ZCCHC2: variants seen among roughly 807,000 people sequenced by gnomAD.
ZCCHC2 encodes zinc finger CCHC-type containing 2, also known as zinc finger CCHC domain-containing protein 2.
Under a neutral mutation model 103.6 loss-of-function variants are expected in ZCCHC2, and 39 were observed. The ratio of observed to expected loss-of-function variants is 0.38; its 90% CI spans 0.29 to 0.49. ZCCHC2 has a LOEUF of 0.49. ZCCHC2 is among the 20% of genes least tolerant of loss of function. The probability of loss-of-function intolerance (pLI) is 0.96; values close to 1 mark genes in which losing one functional copy is unlikely to be tolerated. For missense variants in ZCCHC2, 1,483 were observed against 1,491.0 expected, an observed-to-expected ratio of 0.99 and a Z score of 0.09; for synonymous variants, 687 against 608.9, an observed-to-expected ratio of 1.13 and a Z score of -1.89.
downstream of ZCCHC2, among the ~76,000 whole-genome samples, chr18:62,580,084 G>A (rs1388149727): frequency 5.3e-5 from 8 of 152,128 alleles, no homozygotes; most frequent in Admixed American, 1.3e-4. Flanking sequence ...TAAATATACC[G>A]TTTCTTTTTG....
In ZCCHC2 at chr18:62,524,253, C is replaced by A; in HGVS notation, c.829C>A (p.Arg277=). ...SLHPAFSFHQ[R]VTLREHLERL... Reference sequence around the variant, plus strand: ...GCACCCGGCTTTCTCCTTCCACCAGCGGGTCACCCTGAGGGAACACTTGGA... The same window carrying A: ...GCACCCGGCTTTCTCCTTCCACCAGAGGGTCACCCTGAGGGAACACTTGGA... Residue 277 remains arginine (R), a synonymous_variant, in exon 1 of 14, where the codon CGG becomes AGG. Coordinates refer to ENST00000269499, the MANE Select transcript of ZCCHC2 (RefSeq NM_017742.6). 1 of 1,550,148 alleles carries A rather than the reference C, an allele frequency of 6.5e-7. No individual in the cohort carries two copies. Among genetic ancestry groups the A allele is most frequent in the Non-Finnish European group, 8.7e-7 (1 of 1,146,706 alleles).
rs1170821058 is a variant in ZCCHC2, at chr18:62,574,301, C to T, written c.2220C>T (p.Pro740=). ...AGTCTGAAGTTGTCGTTCCTGCACC[C>T]AAACCCGCTGATGGCAAAACCATAG... ...AQKSEVVVPA[P]KPADGKTIGM... The change falls in exon 13 of 14, where the codon CCC becomes CCT. Residue 740 remains proline (P), a synonymous_variant. Coordinates refer to ENST00000269499, the MANE Select transcript of ZCCHC2 (RefSeq NM_017742.6). 6.2e-7 allele frequency: 1 copy of T among 1,614,052 alleles called. No individual in the cohort carries two copies. Among genetic ancestry groups the T allele is most frequent in the Non-Finnish European group, 8.5e-7 (1 of 1,179,912 alleles).
chr18:62,558,619 A>T, intron 6 of ZCCHC2, 68 bp from the exon 7 acceptor site: 4 of 977,646 alleles, frequency 4.1e-6, no homozygotes, highest in Non-Finnish European at 4.4e-6. Flanking sequence ...GTAAAAAAAC[A>T]ATTATTATAT....
intron 3 of ZCCHC2, among the ~76,000 whole-genome samples, chr18:62,543,944 C>G (rs1021728927): frequency 1.3e-5 from 2 of 152,240 alleles, no homozygotes; most frequent in Admixed American, 6.5e-5. Flanking sequence ...ATGTAATGTG[C>G]CAGTAAAGTA....
Position 62,574,883 on chromosome 18 carries a change from T to C in ZCCHC2, c.2802T>C (p.Ser934=), listed in dbSNP as rs747968228. 6.2e-6 allele frequency: 10 copies of C among 1,613,764 alleles called. No individual in the cohort carries two copies. The South Asian group carries it at 1.1e-4, about 18-fold the overall frequency. The change falls in exon 13 of 14, where the codon AGT becomes AGC. Residue 934 remains serine (S), a synonymous_variant. Coordinates refer to ENST00000269499, the MANE Select transcript of ZCCHC2 (RefSeq NM_017742.6). ...AAGVLPSQNS[S]VLSTAATSPQ... ...GCGTGTTACCCAGCCAGAACTCCAG[T>C]GTGCTCAGCACAGCAGCAACTTCTC...
chr18:62,556,055 A>C, intron 5 of ZCCHC2, 148 bp from the exon 6 acceptor site: 1 of 613,596 alleles, frequency 1.6e-6, no homozygotes, highest in Admixed American at 3.0e-5. Context: ...TAGGAAATAC[A>C]TTAGAAAATA....
intron 4 of ZCCHC2, among the ~76,000 whole-genome samples, chr18:62,549,584 G>A (rs551381203): frequency 6.6e-6 from 1 of 152,330 alleles, no homozygotes; most frequent in South Asian, 2.1e-4. Context: ...GGACAGATTA[G>A]TTATCAAAAG....
chr18:62,543,220 C>G (rs1419915368), intron 3 of ZCCHC2, among the ~76,000 whole-genome samples: 1 of 152,170 alleles, frequency 6.6e-6, no homozygotes, highest in Non-Finnish European at 1.5e-5. Context: ...ACTTCAGTTC[C>G]TCTCCAAAGG....
chr18:62,545,763 G>A (rs1232863090), intron 4 of ZCCHC2, among the ~76,000 whole-genome samples: 2 of 152,222 alleles, frequency 1.3e-5, no homozygotes, highest in Non-Finnish European at 2.9e-5. Flanking sequence ...GGTTACAAGT[G>A]TAGTTATTAA....
intron 1 of ZCCHC2, among the ~76,000 whole-genome samples, chr18:62,527,544 A>G (rs1471059563): frequency 3.3e-5 from 5 of 152,240 alleles, no homozygotes; most frequent in Non-Finnish European, 4.4e-5. Context: ...TATGGTAAAT[A>G]TTACATTGGA....
chr18:62,556,835 C>G (rs1048115420), intron 6 of ZCCHC2, among the ~76,000 whole-genome samples: 5 of 152,160 alleles, frequency 3.3e-5, no homozygotes, highest in Non-Finnish European at 7.3e-5. Context: ...AAGGTAAACC[C>G]TCACTCTTTT....
At chr18:62,524,570 CA>C in intron 1 of ZCCHC2, 1 of 682,270 alleles carries the variant, frequency 1.5e-6, no homozygotes, top group South Asian at 2.5e-5. Flanking sequence ...CACACCCCGG[CA>C]GACACAGCCA....
In ZCCHC2 at chr18:62,574,041, T is replaced by C; in HGVS notation, c.1976-16T>C. ...TTATGCCCGTGTTAATATCTCTTTA[T>C]GTTTGTTTTCTTTAGACACAGACAG... On this transcript the variant is annotated splice_polypyrimidine_tract_variant and intron_variant, in intron 12 of 13. Transcript: ENST00000269499. The C allele has an allele frequency of 6.2e-7, 1 of 1,605,304 alleles. No homozygotes were observed. Among genetic ancestry groups the C allele is most frequent in the Non-Finnish European group, 8.5e-7 (1 of 1,175,192 alleles).
intron 3 of ZCCHC2, 69 bp from the exon 4 acceptor site, chr18:62,544,733 C>A (rs1248367006): frequency 6.7e-6 from 9 of 1,335,618 alleles, no homozygotes; most frequent in African/African-American, 1.5e-5. Flanking sequence ...TGTTTTTGCA[C>A]ATGGCTTTTT....
downstream of ZCCHC2, among the ~76,000 whole-genome samples, chr18:62,583,317 T>C (rs2121912454): frequency 7.0e-6 from 1 of 141,962 alleles, no homozygotes. Flanking sequence ...ATGGTATGTA[T>C]GGACTGTACA....
chr18:62,570,268 AGGGGT>A, intron 12 of ZCCHC2, 37 bp downstream of exon 12: 1 of 1,602,726 alleles, frequency 6.2e-7, no homozygotes, highest in East Asian at 2.2e-5. Context: ...TTGGCATGGC[AGGGGT>A]GGGGAAGTGG....
At position 62,576,822 on chromosome 18, in the gene ZCCHC2, C is replaced by A; in HGVS notation, c.*243C>A. Reference sequence around the variant, plus strand: ...GATACATGTAATTTAAACCTTCAGACAAACTTAAATGTTGGTGCGTGCTTT... The same window carrying A: ...GATACATGTAATTTAAACCTTCAGAAAAACTTAAATGTTGGTGCGTGCTTT... On this transcript the variant is annotated 3_prime_UTR_variant, in exon 14 of 14. Coordinates refer to ENST00000269499, the MANE Select transcript of ZCCHC2 (RefSeq NM_017742.6). 1.1e-4 allele frequency: 37 copies of A among 322,260 alleles called. No individual in the cohort carries two copies. The highest frequency in any genetic ancestry group is 1.5e-4 in the Non-Finnish European group (27 of 176,388). 20.0% of individuals were successfully genotyped at this position (322,260 alleles called of 1,614,324 possible).
intron 6 of ZCCHC2, 62 bp downstream of exon 6, chr18:62,556,359 G>A: frequency 7.9e-7 from 1 of 1,264,096 alleles, no homozygotes. Flanking sequence ...TTGCTTTACT[G>A]TGTCATTTTG....
At chr18:62,532,510 G>T (rs1234463259) in intron 1 of ZCCHC2, among the ~76,000 whole-genome samples, 1 of 152,144 alleles carries the variant, frequency 6.6e-6, no homozygotes, top group Non-Finnish European at 1.5e-5. Flanking sequence ...AGTGACTGAT[G>T]GACCCTGGCC....
Sources: allele counts gnomAD v4.1 joint callset (sites outside exome capture counted in the v4.1 genomes callset), GRCh38; gene constraint gnomAD v4.1.1; transcripts MANE v1.5; gene names NCBI Gene and HGNC (gene_info 2026-07-23, HGNC 2026-07-21).